The following MGAM2 variants were observed in gnomAD, a reference collection of about 807,000 sequenced individuals.
MGAM2 encodes maltase-glucoamylase 2 (putative), also known as probable maltase-glucoamylase 2.
MGAM2 carries 98 observed loss-of-function variants against 96.1 expected under a neutral mutation model. The ratio of observed to expected loss-of-function variants is 1.02; its 90% CI spans 0.87 to 1.21. MGAM2 has a LOEUF of 1.21. MGAM2 is among the 50% of genes most tolerant of loss of function. The pLI is 0.00. For missense variants in MGAM2, 2,055 were observed against 1,182.4 expected, an observed-to-expected ratio of 1.74 and a Z score of -10.82; for synonymous variants, 749 against 414.8, an observed-to-expected ratio of 1.81 and a Z score of -9.79.
chr7:142,112,076 G>T (rs1817192502), intron 1 of MGAM2, among the ~76,000 whole-genome samples: 1 of 150,862 alleles, frequency 6.6e-6, no homozygotes, highest in Non-Finnish European at 1.5e-5. Context: ...GTTGGGGGAG[G>T]TCTGGTGTGA....
chr7:142,165,516 G>A (rs1452949060), intron 24 of MGAM2, among the ~76,000 whole-genome samples: 1 of 152,114 alleles, frequency 6.6e-6, no homozygotes, highest in East Asian at 1.9e-4. Flanking sequence ...TCAAGTTCTG[G>A]GAAATTTGTT....
chr7:142,123,964 T>C (rs112450788), intron 3 of MGAM2, among the ~76,000 whole-genome samples: 16 of 76,356 alleles, frequency 2.1e-4, no homozygotes, highest in African/African-American at 1.9e-3. Flanking sequence ...GTCCAGAAAC[T>C]TTTTTTTTTT....
chr7:142,188,543 G>A (rs1796773841), intron 36 of MGAM2, among the ~76,000 whole-genome samples: 1 of 152,158 alleles, frequency 6.6e-6, no homozygotes, highest in Non-Finnish European at 1.5e-5. Context: ...GTTTCTTGAT[G>A]TCTACATCAC....
At chr7:142,160,565 C>T (rs940078712) in intron 21 of MGAM2, among the ~76,000 whole-genome samples, 2 of 151,754 alleles carry the variant, frequency 1.3e-5, no homozygotes, top group African/African-American at 2.4e-5. Context: ...ATATTCCCTA[C>T]CGTGTGAGAG....
intron 2 of MGAM2, 28 bp downstream of exon 2, chr7:142,117,007 G>C (rs767329796): frequency 8.5e-6 from 6 of 702,796 alleles, no homozygotes; most frequent in South Asian, 3.0e-5. Context: ...AGGTTGGAAG[G>C]CTGGGTAAAG....
Position 142,136,582 on chromosome 7 carries a change from C to T in MGAM2, c.789C>T (p.Cys263=). ...NLYGAHTFFL[C]LEDARGSSFG... The stretch of plus-strand genomic sequence containing the variant: ...ATGGAGCTCATACATTCTTCTTGTG[C>T]CTTGAAGATGCCAGGGGCTCCTCTT... Residue 263 remains cysteine (C), a synonymous_variant, in exon 8 of 48, where the codon TGC becomes TGT. Coordinates refer to ENST00000477922, the MANE Select transcript of MGAM2 (RefSeq NM_001293626.2). 1 of 702,328 alleles carries T rather than the reference C, an allele frequency of 1.4e-6. No individual in the cohort carries two copies. Among genetic ancestry groups the T allele is most frequent in the Non-Finnish European group, 2.6e-6 (1 of 384,362 alleles). The allele number at this position is 702,328 out of a possible 1,614,324, so 43.5% of individuals were successfully genotyped here. A position where few individuals can be genotyped will look rare whatever the true frequency, so the allele number is the denominator to read the frequency against.
At position 142,166,214 on chromosome 7, in the gene MGAM2, C is replaced by T. The variant is rs1318382349; in HGVS notation, c.2769C>T (p.Ala923=). Residue 923 remains alanine (A), a synonymous_variant, in exon 25 of 48, where the codon GCC becomes GCT. Coordinates refer to ENST00000477922, the MANE Select transcript of MGAM2 (RefSeq NM_001293626.2). ...ACTGCTACCCTGATGATCCAACAGC[C>T]TCTGAGGAGAGTTGTAGGCAGCGGG... ...KFNCYPDDPT[A]SEESCRQRGC... is the part of the protein sequence containing the mutation. The T allele has an allele frequency of 1.4e-6, 1 of 702,490 alleles. No homozygotes were observed. Among genetic ancestry groups the T allele is most frequent in the Admixed American group, 2.0e-5 (1 of 49,950 alleles). The allele number at this position is 702,490 out of a possible 1,614,324, so 43.5% of individuals were successfully genotyped here. A position where few individuals can be genotyped will look rare whatever the true frequency, so the allele number is the denominator to read the frequency against.
At chr7:142,203,845 C>A (rs537123672) in intron 45 of MGAM2, among the ~76,000 whole-genome samples, 1 of 151,980 alleles carries the variant, frequency 6.6e-6, no homozygotes, top group South Asian at 2.1e-4. Context: ...AAAATTAACT[C>A]GAGATGGATT....
At chr7:142,120,279 T>C (rs1354244481) in intron 2 of MGAM2, 23 bp from the exon 3 acceptor site, 1 of 702,276 alleles carries the variant, frequency 1.4e-6, no homozygotes, top group Non-Finnish European at 2.6e-6. Context: ...CATTTTCAAC[T>C]TTATCCTTTA....
chr7:142,186,069 C>G lies in MGAM2; in HGVS notation c.4068C>G (p.Leu1356=). 1.4e-6 allele frequency: 1 copy of G among 705,684 alleles called. No individual in the cohort carries two copies. Among genetic ancestry groups the G allele is most frequent in the South Asian group, 1.5e-5 (1 of 67,566 alleles). 43.7% of individuals were successfully genotyped at this position (705,684 alleles called of 1,614,324 possible). The part of the protein sequence containing the change: ...AAWWKKEIEE[L]YANPREPEKS... ...GGTGGAAGAAAGAGATAGAAGAGCT[C>G]TATGCAAACCCTCGAGAGCCAGAGA... Residue 1356 remains leucine (L), a synonymous_variant, in exon 35 of 48, where the codon CTC becomes CTG. Coordinates refer to ENST00000477922, the MANE Select transcript of MGAM2 (RefSeq NM_001293626.2).
chr7:142,198,833 A>G, intron 44 of MGAM2, 94 bp downstream of exon 44: 1 of 611,568 alleles, frequency 1.6e-6, no homozygotes, highest in South Asian at 1.9e-5. Context: ...GGATATGTGG[A>G]TTATAAACTA....
intron 7 of MGAM2, among the ~76,000 whole-genome samples, chr7:142,135,327 A>G (rs1207505785): frequency 6.6e-6 from 1 of 152,226 alleles, no homozygotes; most frequent in East Asian, 1.9e-4. Flanking sequence ...AATACTATGA[A>G]TCGTACTACG....
chr7:142,182,426 G>A (rs549434362), intron 32 of MGAM2, among the ~76,000 whole-genome samples: 12 of 152,288 alleles, frequency 7.9e-5, no homozygotes, highest in South Asian at 4.1e-4. Flanking sequence ...GAAAGACAAC[G>A]CTGCTGTCTC....
rs376539477 is a variant in MGAM2 at position 142,170,167 on chromosome 7, T to G, written c.3120T>G (p.Asp1040Glu). The G allele has an allele frequency of 5.4e-4, 383 of 702,822 alleles. 2 individuals carry two copies. Among genetic ancestry groups the G allele is most frequent in the South Asian group, 5.4e-3 (365 of 67,580 alleles). 43.5% of individuals were successfully genotyped at this position (702,822 alleles called of 1,614,324 possible). A position where few individuals can be genotyped will look rare whatever the true frequency, so the allele number is the denominator to read the frequency against. Residue 1040 changes from aspartate (D) to glutamate (E), a missense_variant, in exon 27 of 48, where the codon GAT becomes GAG. Physicochemically the swap from Asp to Glu is conservative, Grantham distance 45. Transcript: ENST00000477922. ...GTGACCCTGAAAACCGTCTGTATGA[T>G]GTCAGGATTCAGAACAATCCTTTTG... ...PVGDPENRLY[D>E]VRIQNNPFGI...
At chr7:142,142,623 C>T (rs1028362292) in intron 12 of MGAM2, among the ~76,000 whole-genome samples, 4 of 147,612 alleles carry the variant, frequency 2.7e-5, no homozygotes, top group African/African-American at 1.0e-4. Context: ...GATCTCAGCT[C>T]ACTGCAACCT....
intron 37 of MGAM2, among the ~76,000 whole-genome samples, chr7:142,191,702 C>A (rs1329782103): frequency 6.6e-6 from 1 of 151,692 alleles, no homozygotes; most frequent in Non-Finnish European, 1.5e-5. Flanking sequence ...TACTATGGGT[C>A]CCTTGCATTT....
intron 3 of MGAM2, among the ~76,000 whole-genome samples, chr7:142,129,249 G>T (rs1225025517): frequency 4.6e-5 from 7 of 152,194 alleles, no homozygotes; most frequent in Admixed American, 4.6e-4. Context: ...GTACCCCATT[G>T]TATCTAGGAA....
At chr7:142,151,844 G>A (rs1385356149) in intron 15 of MGAM2, among the ~76,000 whole-genome samples, 1 of 152,214 alleles carries the variant, frequency 6.6e-6, no homozygotes, top group Admixed American at 6.5e-5. Flanking sequence ...GGACAGTGGA[G>A]ATAAGTGGAA....
At chr7:142,210,897 A>G (rs1236599754) in intron 46 of MGAM2, among the ~76,000 whole-genome samples, 1 of 152,202 alleles carries the variant, frequency 6.6e-6, no homozygotes, top group Admixed American at 6.5e-5. Flanking sequence ...TGACAGGGAG[A>G]TACCTCCCAG....
Sources: gnomAD v4.1 joint callset for allele counts (sites outside exome capture counted in the v4.1 genomes callset) on GRCh38, gnomAD v4.1.1 for gene constraint, MANE v1.5 for transcripts, NCBI Gene and HGNC (gene_info 2026-07-23, HGNC 2026-07-21) for gene names.